QRFPR: variants seen among roughly 807,000 people sequenced by gnomAD.
The protein encoded by QRFPR is pyroglutamylated RFamide peptide receptor.
A neutral mutation model predicts 31.3 loss-of-function variants in QRFPR; 37 were observed. The ratio of observed to expected loss-of-function variants is 1.18; its 90% CI spans 0.91 to 1.56. The LOEUF is 1.56. Ranked by LOEUF, QRFPR falls within the 40% of genes most tolerant of loss-of-function variation. QRFPR has a pLI of 0.00. For synonymous variants in QRFPR, 197 were observed against 192.0 expected (o/e 1.03, Z -0.22); for missense variants, 542 against 532.5 (o/e 1.02, Z -0.18).
intron 4 of QRFPR, 62 bp downstream of exon 4, chr4:121,332,759 C>T (rs1327948132): frequency 7.7e-7 from 1 of 1,301,400 alleles, no homozygotes; most frequent in African/African-American, 1.5e-5. Context: ...CCCTGGCAAC[C>T]ATCCCTTCCA....
chr4:121,346,318 T>C (rs1159778360), intron 1 of QRFPR, among the ~76,000 whole-genome samples: 1 of 152,204 alleles, frequency 6.6e-6, no homozygotes, highest in African/African-American at 2.4e-5. Context: ...CCAGGGACCA[T>C]GTCCTTCTCT....
At chr4:121,335,898 A>G (rs1579569370) in intron 3 of QRFPR, among the ~76,000 whole-genome samples, 1 of 152,184 alleles carries the variant, frequency 6.6e-6, no homozygotes, top group Non-Finnish European at 1.5e-5. Flanking sequence ...AAAAGTCCTT[A>G]GATGCATTTT....
chr4:121,348,307 G>C (rs1241473693), intron 1 of QRFPR, among the ~76,000 whole-genome samples: 3 of 152,186 alleles, frequency 2.0e-5, no homozygotes, highest in Non-Finnish European at 4.4e-5. Flanking sequence ...CTAGTACTAT[G>C]TGAAAATGCA....
intron 1 of QRFPR, among the ~76,000 whole-genome samples, chr4:121,350,758 C>T (rs1401785436): frequency 6.6e-6 from 1 of 152,078 alleles, no homozygotes; most frequent in Non-Finnish European, 1.5e-5. Context: ...ATAAACTTTT[C>T]TTATATAAAT....
In QRFPR at chr4:121,380,578, G is replaced by A; in HGVS notation, c.70C>T (p.Gln24Ter). 6.2e-7 allele frequency: 1 copy of A among 1,607,792 alleles called. No homozygotes were observed. The highest frequency in any genetic ancestry group is 8.5e-7 in the Non-Finnish European group (1 of 1,176,634). The change falls in exon 1 of 6, where the codon CAG becomes TAG. Residue 24 changes from glutamine (Q) to a stop codon, truncating the protein, a stop_gained. Coordinates refer to ENST00000394427, the MANE Select transcript of QRFPR (RefSeq NM_198179.3). LOFTEE classifies it high-confidence loss of function. ...CGCAGCCGGTACAGAGCGATGAACT[G>A]CTCCCGCGTCAGGTTGTGGTCCCGC... ...LLRDHNLTRE[Q>*]FIALYRLRPL...
At chr4:121,365,696 G>C (rs1301177768) in intron 1 of QRFPR, among the ~76,000 whole-genome samples, 1 of 96,358 alleles carries the variant, frequency 1.0e-5, no homozygotes, top group South Asian at 2.9e-4. Context: ...TAAAACTAGT[G>C]TCATCTCTTT....
chr4:121,331,358 AT>A (rs1725322177), intron 4 of QRFPR, among the ~76,000 whole-genome samples: 1 of 150,500 alleles, frequency 6.6e-6, no homozygotes, highest in Non-Finnish European at 1.5e-5. Context: ...TAATTTTTAA[AT>A]TTTTTGTAGA....
chr4:121,336,807 C>T lies in QRFPR; in HGVS notation c.561G>A (p.Glu187=), dbSNP rs867877712. Residue 187 remains glutamate (E), a splice_region_variant and synonymous_variant, in exon 3 of 6, where the codon GAG becomes GAA. Transcript: ENST00000394427. Reference sequence around the variant, plus strand: ...ATTATACATCTCAACTGGAGTCTACCTCAAGTTGTTGCACGTGCCACATGG... The same window carrying T: ...ATTATACATCTCAACTGGAGTCTACTTCAAGTTGTTGCACGTGCCACATGG... ...GSPMWHVQQL[E]IKYDFLYEKE... is the part of the protein sequence containing the mutation. 5 of 1,610,582 alleles carry T rather than the reference C, an allele frequency of 3.1e-6. No individual in the cohort carries two copies. The South Asian group carries it at 3.3e-5, about 11-fold the overall frequency.
chr4:121,332,457 A>G (rs904473167), intron 4 of QRFPR, among the ~76,000 whole-genome samples: 1 of 152,190 alleles, frequency 6.6e-6, no homozygotes, highest in African/African-American at 2.4e-5. Flanking sequence ...TGCGGGAAGC[A>G]GGGCCTTGGG....
intron 3 of QRFPR, among the ~76,000 whole-genome samples, chr4:121,335,885 T>C (rs1015091461): frequency 6.6e-6 from 1 of 152,218 alleles, no homozygotes; most frequent in Admixed American, 6.5e-5. Flanking sequence ...CCAAGAGGAC[T>C]AAAAAAGTCC....
chr4:121,331,003 C>T (rs571323008), intron 4 of QRFPR, among the ~76,000 whole-genome samples: 5 of 151,940 alleles, frequency 3.3e-5, no homozygotes, highest in African/African-American at 7.2e-5. Context: ...CAGTGACTCA[C>T]GCCTGTAATC....
At chr4:121,376,822 G>C (rs1726362814) in intron 1 of QRFPR, among the ~76,000 whole-genome samples, 1 of 123,646 alleles carries the variant, frequency 8.1e-6, no homozygotes, top group Admixed American at 8.0e-5. Flanking sequence ...ACTACTTCAA[G>C]TAGTACTTAA....
chr4:121,380,815 G>A lies in QRFPR; in HGVS notation c.-168C>T. 1.6e-6 allele frequency: 1 copy of A among 611,538 alleles called. No individual in the cohort carries two copies. Among genetic ancestry groups the A allele is most frequent in the Non-Finnish European group, 2.8e-6 (1 of 354,040 alleles). 37.9% of individuals were successfully genotyped at this position (611,538 alleles called of 1,614,324 possible). On this transcript the variant is annotated 5_prime_UTR_variant, in exon 1 of 6. Transcript: ENST00000394427. ...GCTGCACCCCGGGAGGTTCGGGAAA[G>A]GAGAGCAGCTCAGGGATCAAACCCA... is the stretch of plus-strand genomic sequence containing the variant.
At chr4:121,342,727 TC>T (rs1482307464) in intron 1 of QRFPR, among the ~76,000 whole-genome samples, 5 of 152,318 alleles carry the variant, frequency 3.3e-5, no homozygotes, top group African/African-American at 1.2e-4. Context: ...GCTGATGTAT[TC>T]CCAGCTTTAA....
At chr4:121,364,463 T>C (rs1335080574) in intron 1 of QRFPR, among the ~76,000 whole-genome samples, 1 of 148,760 alleles carries the variant, frequency 6.7e-6, no homozygotes, top group Non-Finnish European at 1.5e-5. Flanking sequence ...GGTGAACCCC[T>C]GTCTCTACTA....
At chr4:121,376,222 C>T (rs1006261496) in intron 1 of QRFPR, among the ~76,000 whole-genome samples, 23 of 152,128 alleles carry the variant, frequency 1.5e-4, no homozygotes, top group African/African-American at 4.3e-4. Flanking sequence ...TGCAGAGAAT[C>T]GCCACTTCTG....
intron 1 of QRFPR, chr4:121,369,967 A>G (rs1049378195): frequency 4.2e-5 from 32 of 764,730 alleles, no homozygotes; most frequent in Non-Finnish European, 4.9e-6. Context: ...AGGATCTCTC[A>G]GCCCTGCCTG....
In QRFPR at chr4:121,329,224, A is replaced by G. The variant is rs560365655; in HGVS notation, c.*90T>C. ...TTGTTTTCTTCTTGTCATCATCTTAAGAATAAAAAGAGTATTTGACCTTTG... is the reference window on the plus strand; with the variant it reads ...TTGTTTTCTTCTTGTCATCATCTTAGGAATAAAAAGAGTATTTGACCTTTG... On this transcript the variant is annotated 3_prime_UTR_variant, in exon 6 of 6. Transcript: ENST00000394427. The G allele has an allele frequency of 1.1e-5, 11 of 1,005,208 alleles. No individual in the cohort carries two copies. In the South Asian group the frequency reaches 1.9e-4, roughly 17 times the overall value. The allele number at this position is 1,005,208 out of a possible 1,614,324, so 62.3% of individuals were successfully genotyped here.
chr4:121,365,594 A>AT (rs1183430326), intron 1 of QRFPR, among the ~76,000 whole-genome samples: 44 of 3,442 alleles, frequency 0.013, 4 homozygotes, highest in African/African-American at 0.038. Flanking sequence ...TATATATTAT[A>AT]TATATATAAT....
Sources: allele counts gnomAD v4.1 joint callset (sites outside exome capture counted in the v4.1 genomes callset), GRCh38; gene constraint gnomAD v4.1.1; transcripts MANE v1.5; gene names NCBI Gene and HGNC (gene_info 2026-07-23, HGNC 2026-07-21).